The following HMG20B variants were observed in gnomAD, a reference collection of about 807,000 sequenced individuals.
HMG20B encodes the protein high mobility group 20B.
HMG20B carries 24 observed loss-of-function variants against 41.6 expected under a neutral mutation model. That is an observed-to-expected ratio of 0.58 (90% CI 0.42 to 0.81). The LOEUF (loss-of-function observed/expected upper bound fraction) is 0.81. HMG20B is among the 30% of genes least tolerant of loss of function. HMG20B has a pLI of 0.00. For synonymous variants in HMG20B, 251 were observed against 186.6 expected, an observed-to-expected ratio of 1.34 and a Z score of -2.81; for missense variants, 461 against 444.0, an observed-to-expected ratio of 1.04 and a Z score of -0.34.
In HMG20B at chr19:3,578,607, A is replaced by G. The variant is rs1798793019; in HGVS notation, c.*86A>G. 1 of 1,512,970 alleles carries G rather than the reference A, an allele frequency of 6.6e-7. No individual in the cohort carries two copies. Among genetic ancestry groups the G allele is most frequent in the African/African-American group, 1.4e-5 (1 of 72,406 alleles). 93.7% of individuals were successfully genotyped at this position (1,512,970 alleles called of 1,614,324 possible). A position where few individuals can be genotyped will look rare whatever the true frequency, so the allele number is the denominator to read the frequency against. Reference sequence around the variant, plus strand: ...CCCGTGGACGAGAGGCTGGGGGTCCACCCTTTGGGGCCTGGTCCCATCCTG... The same window carrying G: ...CCCGTGGACGAGAGGCTGGGGGTCCGCCCTTTGGGGCCTGGTCCCATCCTG... On this transcript the variant is annotated 3_prime_UTR_variant, in exon 10 of 10. Transcript: ENST00000333651.
At chr19:3,573,053 G>A in intron 1 of HMG20B, 59 bp downstream of exon 1, 1 of 450,768 alleles carries the variant, frequency 2.2e-6, no homozygotes, top group Non-Finnish European at 4.0e-6. Flanking sequence ...GGGGTCCCAG[G>A]GCCGGGCCGG....
intron 9 of HMG20B, 35 bp from the exon 10 acceptor site, chr19:3,578,474 A>T: frequency 6.6e-7 from 1 of 1,503,866 alleles, no homozygotes; most frequent in East Asian, 2.4e-5. Context: ...AGAGATGATG[A>T]GGGCCTCATC....
At chr19:3,575,692 T>TGTCA in intron 5 of HMG20B, 32 bp downstream of exon 5, 1 of 1,539,250 alleles carries the variant, frequency 6.5e-7, no homozygotes, top group Non-Finnish European at 8.8e-7. Context: ...GGCTCACGCC[T>TGTCA]GTCATCCCAG....
intron 5 of HMG20B, 94 bp downstream of exon 5, chr19:3,575,754 C>A (rs905498722): frequency 9.3e-6 from 10 of 1,076,222 alleles, no homozygotes; most frequent in Non-Finnish European, 1.3e-5. Context: ...CCAGCCTGGC[C>A]AACATAGTGA....
chr19:3,577,589 C>T (rs1422476110), intron 8 of HMG20B, among the ~76,000 whole-genome samples: 1 of 142,996 alleles, frequency 7.0e-6, no homozygotes, highest in Non-Finnish European at 1.5e-5. Flanking sequence ...CGCCACGTTC[C>T]CATTCACCCC....
chr19:3,573,212 C>G, intron 1 of HMG20B, 80 bp from the exon 2 acceptor site: 1 of 1,216,322 alleles, frequency 8.2e-7, no homozygotes, highest in East Asian at 3.1e-5. Context: ...CCGGGGCTCT[C>G]CATCGCGGGG....
At chr19:3,577,245 C>A in intron 8 of HMG20B, 138 bp downstream of exon 8, 1 of 637,074 alleles carries the variant, frequency 1.6e-6, no homozygotes. Context: ...TCACCCGGCC[C>A]CGCCTATCGC....
chr19:3,576,807 C>A, intron 7 of HMG20B, 85 bp from the exon 8 acceptor site: 3 of 1,460,344 alleles, frequency 2.1e-6, no homozygotes, highest in Non-Finnish European at 1.9e-6. Flanking sequence ...GTGAGGGAAA[C>A]CTGGGCAGGG....
chr19:3,573,028 G>A lies in HMG20B; in HGVS notation c.-19+34G>A, dbSNP rs1268878147. On this transcript the variant is annotated intron_variant, in intron 1 of 9. Coordinates refer to ENST00000333651, the MANE Select transcript of HMG20B (RefSeq NM_006339.3). Reference sequence around the variant, plus strand: ...AGCCGCGGAACTCCGGGCCCTGAGAGGGGGCGGGGGTGCAGGGGTCCCAGG... The same window carrying A: ...AGCCGCGGAACTCCGGGCCCTGAGAAGGGGCGGGGGTGCAGGGGTCCCAGG... 4 of 399,682 alleles carry A rather than the reference G, an allele frequency of 1.0e-5. No homozygotes were observed. The East Asian group carries it at 1.5e-4, about 15-fold the overall frequency. 24.8% of individuals were successfully genotyped at this position (399,682 alleles called of 1,614,324 possible).
chr19:3,575,697 T>C, intron 5 of HMG20B, 37 bp downstream of exon 5: 1 of 1,534,938 alleles, frequency 6.5e-7, no homozygotes, highest in Non-Finnish European at 8.8e-7. Flanking sequence ...ACGCCTGTCA[T>C]CCCAGCACTT....
intron 1 of HMG20B, 135 bp from the exon 2 acceptor site, chr19:3,573,157 C>A: frequency 6.1e-6 from 4 of 656,618 alleles, no homozygotes; most frequent in Non-Finnish European, 7.2e-6. Flanking sequence ...TCGAGGACTT[C>A]CCTGCCCCTG....
In HMG20B at chr19:3,575,677, G is replaced by T; in HGVS notation, c.472+17G>T. ...TCAAGAAAGGTGGGAGGGGTCGGGC[G>T]CGGTGGCTCACGCCTGTCATCCCAG... On this transcript the variant is annotated intron_variant, in intron 5 of 9. Transcript: ENST00000333651. 6.5e-7 allele frequency: 1 copy of T among 1,545,278 alleles called. No homozygotes were observed. Among genetic ancestry groups the T allele is most frequent in the Non-Finnish European group, 8.7e-7 (1 of 1,144,638 alleles).
chr19:3,576,744 A>G, intron 7 of HMG20B, 119 bp downstream of exon 7: 2 of 1,251,446 alleles, frequency 1.6e-6, no homozygotes, highest in East Asian at 2.5e-5. Flanking sequence ...ATGAGCGTCC[A>G]GGCGCACGCT....
At chr19:3,573,087 C>G in intron 1 of HMG20B, 93 bp downstream of exon 1, 1 of 494,374 alleles carries the variant, frequency 2.0e-6, no homozygotes, top group Non-Finnish European at 3.6e-6. Flanking sequence ...CCGGGGGAAA[C>G]CGGCCCAGGC....
At position 3,573,687 on chromosome 19, in the gene HMG20B, T is replaced by G. The variant is rs753387352; in HGVS notation, c.39-5T>G. ...CGGGGCTGACCGCGGTATCCTTGGC[T>G]CCAGGCCGGCGGGCGGCAAGGCTCC... is the stretch of plus-strand genomic sequence containing the variant. On this transcript the variant is annotated splice_polypyrimidine_tract_variant and splice_region_variant and intron_variant, in intron 2 of 9. Coordinates refer to ENST00000333651, the MANE Select transcript of HMG20B (RefSeq NM_006339.3). 14 of 1,501,274 alleles carry G rather than the reference T, an allele frequency of 9.3e-6. No individual in the cohort carries two copies. Among genetic ancestry groups the G allele is most frequent in the South Asian group, 8.2e-5 (6 of 72,986 alleles). 93.0% of individuals were successfully genotyped at this position (1,501,274 alleles called of 1,614,324 possible).
chr19:3,574,603 G>A lies in HMG20B; in HGVS notation c.351+17G>A, dbSNP rs1257166684. 2 of 1,572,304 alleles carry A rather than the reference G, an allele frequency of 1.3e-6. No homozygotes were observed. The highest frequency in any genetic ancestry group is 1.2e-5 in the South Asian group (1 of 86,900). On this transcript the variant is annotated intron_variant, in intron 4 of 9. Coordinates refer to ENST00000333651, the MANE Select transcript of HMG20B (RefSeq NM_006339.3). ...GAAAAGCAGGTGGGCGGGGCGGGGC[G>A]CCGAGCAGGGCTGGCGGGGTCCACG...
Position 3,573,728 on chromosome 19 carries a change from C to T in HMG20B, c.75C>T (p.Gly25=), listed in dbSNP as rs1203802547. 1.8e-5 allele frequency: 27 copies of T among 1,533,294 alleles called. No individual in the cohort carries two copies. Among genetic ancestry groups the T allele is most frequent in the Admixed American group, 4.3e-5 (2 of 46,234 alleles). The allele number at this position is 1,533,294 out of a possible 1,614,324, so 95.0% of individuals were successfully genotyped here. A position where few individuals can be genotyped will look rare whatever the true frequency, so the allele number is the denominator to read the frequency against. The change falls in exon 3 of 10, where the codon GGC becomes GGT. Residue 25 remains glycine (G), a synonymous_variant. Transcript: ENST00000333651. ...AGGKAPGQHG[G]FVVTVKQERG... is the part of the protein sequence containing the mutation. Reference sequence around the variant, plus strand: ...GCAAGGCTCCGGGCCAGCATGGGGGCTTCGTGGTGACTGTCAAGCAAGAGC... The same window carrying T: ...GCAAGGCTCCGGGCCAGCATGGGGGTTTCGTGGTGACTGTCAAGCAAGAGC...
rs1356432645 is a variant in HMG20B, at chr19:3,574,167, T to G, written c.148-216T>G. ...AACCCTGTACTCAAACCTCGGCCCATAGTTCCTCAGATCCCCTCACCCCTG... is the reference window on the plus strand; with the variant it reads ...AACCCTGTACTCAAACCTCGGCCCAGAGTTCCTCAGATCCCCTCACCCCTG... On this transcript the variant is annotated intron_variant, in intron 3 of 9. Transcript: ENST00000333651. 5 of 610,296 alleles carry G rather than the reference T, an allele frequency of 8.2e-6. No homozygotes were observed. In the African/African-American group the frequency reaches 9.3e-5, roughly 11 times the overall value. 37.8% of individuals were successfully genotyped at this position (610,296 alleles called of 1,614,324 possible).
chr19:3,578,278 G>A, intron 9 of HMG20B, 165 bp downstream of exon 9: 1 of 1,159,592 alleles, frequency 8.6e-7, no homozygotes, highest in Non-Finnish European at 1.2e-6. Flanking sequence ...CCAGTGCTAG[G>A]ATGGCCATGG....
Sources: gnomAD v4.1 joint callset for allele counts (sites outside exome capture counted in the v4.1 genomes callset) on GRCh38, gnomAD v4.1.1 for gene constraint, MANE v1.5 for transcripts, NCBI Gene and HGNC (gene_info 2026-07-23, HGNC 2026-07-21) for gene names.